The following FAM178B variants were observed in gnomAD, a reference collection of about 807,000 sequenced individuals.
FAM178B encodes the protein family with sequence similarity 178 member B.
FAM178B carries 82 observed loss-of-function variants against 91.7 expected under a neutral mutation model. The observed-to-expected ratio is 0.89, with a 90% confidence interval of 0.75 to 1.07. The LOEUF (loss-of-function observed/expected upper bound fraction) is 1.07. Among genes scored for constraint, FAM178B ranks in the 50% least tolerant of loss-of-function variants. FAM178B has a pLI of 0.00. For synonymous variants in FAM178B, 368 were observed against 359.4 expected (o/e 1.02, Z -0.27); for missense variants, 769 against 846.7 (o/e 0.91, Z 1.14).
chr2:96,953,658 C>T (rs2081959963), intron 6 of FAM178B, among the ~76,000 whole-genome samples: 1 of 152,204 alleles, frequency 6.6e-6, no homozygotes, highest in Admixed American at 6.5e-5. Flanking sequence ...CCAGAAAGGA[C>T]ATAGTCCTGC....
At chr2:96,950,475 C>T (rs909035961) in intron 7 of FAM178B, among the ~76,000 whole-genome samples, 10 of 152,164 alleles carry the variant, frequency 6.6e-5, no homozygotes, top group African/African-American at 1.7e-4. Context: ...GCCAGCCTGC[C>T]GAGGCCAAGC....
intron 12 of FAM178B, among the ~76,000 whole-genome samples, chr2:96,918,455 T>G (rs889834819): frequency 1.3e-5 from 2 of 152,224 alleles, no homozygotes; most frequent in African/African-American, 4.8e-5. Flanking sequence ...AACCACAGGA[T>G]GATGTTTTCC....
intron 8 of FAM178B, among the ~76,000 whole-genome samples, chr2:96,947,370 T>C (rs2081847373): frequency 6.6e-6 from 1 of 152,120 alleles, no homozygotes; most frequent in Admixed American, 6.6e-5. Flanking sequence ...AAGAAGGCTG[T>C]CAGTGAGGGA....
At chr2:96,927,159 G>C (rs1266725975) in intron 9 of FAM178B, among the ~76,000 whole-genome samples, 1 of 152,140 alleles carries the variant, frequency 6.6e-6, no homozygotes, top group Non-Finnish European at 1.5e-5. Flanking sequence ...GATGCTTCCC[G>C]AATACTCCGG....
chr2:96,964,440 A>T (rs181783244), intron 5 of FAM178B, among the ~76,000 whole-genome samples: 1 of 152,142 alleles, frequency 6.6e-6, no homozygotes, highest in Non-Finnish European at 1.5e-5. Context: ...TACCTCGGCC[A>T]GGCTCACAGA....
chr2:96,931,824 T>A (rs906044391), intron 8 of FAM178B, among the ~76,000 whole-genome samples: 4 of 151,508 alleles, frequency 2.6e-5, no homozygotes, highest in Non-Finnish European at 5.9e-5. Flanking sequence ...GTAATTAGAC[T>A]CTTGGAGGAG....
intron 8 of FAM178B, among the ~76,000 whole-genome samples, chr2:96,941,246 T>A (rs531734159): frequency 1.2e-4 from 19 of 152,342 alleles, no homozygotes; most frequent in African/African-American, 4.1e-4. Flanking sequence ...CTCTATTATT[T>A]AAATTTGCTA....
At chr2:96,905,224 G>T (rs564373700) in intron 12 of FAM178B, among the ~76,000 whole-genome samples, 23 of 152,208 alleles carry the variant, frequency 1.5e-4, no homozygotes, top group Admixed American at 8.5e-4. Context: ...AACTGTCTTT[G>T]CTCTATTGTT....
chr2:96,955,703 G>A (rs569634510), intron 6 of FAM178B, among the ~76,000 whole-genome samples: 3 of 152,126 alleles, frequency 2.0e-5, no homozygotes, highest in African/African-American at 7.2e-5. Flanking sequence ...ATAAATAAGC[G>A]AGTGTTACCA....
intron 9 of FAM178B, among the ~76,000 whole-genome samples, chr2:96,924,223 T>C (rs2081396256): frequency 6.6e-6 from 1 of 152,122 alleles, no homozygotes; most frequent in African/African-American, 2.4e-5. Flanking sequence ...CCCCCCAAAG[T>C]CCGTGAGTTC....
intron 8 of FAM178B, among the ~76,000 whole-genome samples, chr2:96,946,919 G>A (rs1357989842): frequency 6.6e-6 from 1 of 152,232 alleles, no homozygotes; most frequent in Non-Finnish European, 1.5e-5. Context: ...TTTGACAGAT[G>A]GCTCCAGCTC....
intron 13 of FAM178B, among the ~76,000 whole-genome samples, chr2:96,898,971 A>G (rs951977883): frequency 2.0e-5 from 3 of 152,210 alleles, no homozygotes; most frequent in African/African-American, 7.2e-5. Context: ...GGAAAGGGGC[A>G]TGTGGGCTGA....
At chr2:96,947,722 C>A in intron 8 of FAM178B, 96 bp downstream of exon 8, 1 of 695,880 alleles carries the variant, frequency 1.4e-6, no homozygotes, top group Non-Finnish European at 2.5e-6. Flanking sequence ...GTCCCACCAG[C>A]ATCTCGCCTG....
intron 4 of FAM178B, among the ~76,000 whole-genome samples, chr2:96,969,631 G>A (rs1425122020): frequency 6.6e-6 from 1 of 152,212 alleles, no homozygotes; most frequent in African/African-American, 2.4e-5. Flanking sequence ...ATATTTTCAA[G>A]CGTCTACTAA....
chr2:96,926,608 C>A (rs1240136766), intron 9 of FAM178B, among the ~76,000 whole-genome samples: 1 of 152,042 alleles, frequency 6.6e-6, no homozygotes, highest in Non-Finnish European at 1.5e-5. Flanking sequence ...TCCATCCTTT[C>A]CTTGAAATGT....
chr2:96,931,084 C>T (rs2081532142), intron 8 of FAM178B, among the ~76,000 whole-genome samples: 1 of 152,178 alleles, frequency 6.6e-6, no homozygotes, highest in African/African-American at 2.4e-5. Context: ...AGACTGAAAA[C>T]AAGTCATAAG....
chr2:96,982,571 T>G (rs965916538), intron 1 of FAM178B, among the ~76,000 whole-genome samples: 13 of 151,070 alleles, frequency 8.6e-5, no homozygotes, highest in Middle Eastern at 3.5e-3. Flanking sequence ...CCTAATTTAT[T>G]TATTTATTTT....
At chr2:96,905,117 G>T (rs1257408785) in intron 12 of FAM178B, among the ~76,000 whole-genome samples, 1 of 151,824 alleles carries the variant, frequency 6.6e-6, no homozygotes, top group Non-Finnish European at 1.5e-5. Flanking sequence ...ACCCTGGGGT[G>T]GGGGTGGGGG....
At chr2:96,889,044 C>A (rs894309589) in intron 14 of FAM178B, among the ~76,000 whole-genome samples, 1 of 152,226 alleles carries the variant, frequency 6.6e-6, no homozygotes, top group African/African-American at 2.4e-5. Flanking sequence ...GGGCCTTGAT[C>A]TGGGTGGTGC....
Sources: gnomAD v4.1 joint callset for allele counts (sites outside exome capture counted in the v4.1 genomes callset) on GRCh38, gnomAD v4.1.1 for gene constraint, MANE v1.5 for transcripts, NCBI Gene and HGNC (gene_info 2026-07-23, HGNC 2026-07-21) for gene names.